The following SLC38A12 variants were observed in gnomAD, a reference collection of about 807,000 sequenced individuals.
The protein encoded by SLC38A12 is putative sodium-coupled neutral amino acid transporter 12.
the SLC38A12 span, chr17:74,790,138 A>C: frequency 7.3e-7 from 1 of 1,362,634 alleles, no homozygotes; most frequent in South Asian, 1.2e-5. Flanking sequence ...TACTTTTTTG[A>C]TGTGCTCCTT....
chr17:74,815,166 C>T, the SLC38A12 span, among the ~76,000 whole-genome samples: 4 of 152,148 alleles, frequency 2.6e-5, no homozygotes, highest in Admixed American at 6.5e-5. Flanking sequence ...ATGAGGGCAT[C>T]GTCACCTGCA....
chr17:74,793,660 G>A, the SLC38A12 span, among the ~76,000 whole-genome samples: 1 of 152,196 alleles, frequency 6.6e-6, no homozygotes, highest in East Asian at 1.9e-4. Flanking sequence ...GCTGGGAGTG[G>A]GGCGGGGGAC....
At chr17:74,837,103 C>T in the SLC38A12 span, 33 of 995,316 alleles carry the variant, frequency 3.3e-5, no homozygotes, top group Middle Eastern at 5.0e-4. Flanking sequence ...CCCCATCCTG[C>T]GTCCTTGTCT....
the SLC38A12 span, chr17:74,837,998 T>A: frequency 1.0e-6 from 1 of 985,726 alleles, no homozygotes; most frequent in Non-Finnish European, 1.2e-6. Context: ...GCTCAGCCCC[T>A]CCCCTGTATC....
the SLC38A12 span, chr17:74,838,650 AGCT>A: frequency 7.2e-7 from 1 of 1,389,278 alleles, no homozygotes; most frequent in African/African-American, 1.5e-5. Flanking sequence ...GCCGTTGTCT[AGCT>A]GCTTTGCTCC....
chr17:74,788,559 T>G, the SLC38A12 span, among the ~76,000 whole-genome samples: 5 of 152,308 alleles, frequency 3.3e-5, no homozygotes, highest in Admixed American at 1.3e-4. Context: ...CTCCCATCAC[T>G]TAGTTCACAC....
At chr17:74,830,086 G>T in the SLC38A12 span, among the ~76,000 whole-genome samples, 1 of 151,846 alleles carries the variant, frequency 6.6e-6, no homozygotes. Context: ...TGAGCTGGGG[G>T]TGCTGGTAGG....
chr17:74,784,995 G>A, the SLC38A12 span, among the ~76,000 whole-genome samples: 1 of 152,092 alleles, frequency 6.6e-6, no homozygotes, highest in Non-Finnish European at 1.5e-5. Flanking sequence ...ATGGGGAGAG[G>A]GGTGGAGAAA....
At chr17:74,835,911 C>T in the SLC38A12 span, 1 of 1,587,418 alleles carries the variant, frequency 6.3e-7, no homozygotes, top group Non-Finnish European at 8.6e-7. Context: ...GGTGACTCCT[C>T]TCTCTCGTTT....
At chr17:74,831,221 C>T in the SLC38A12 span, among the ~76,000 whole-genome samples, 3 of 152,200 alleles carry the variant, frequency 2.0e-5, no homozygotes, top group East Asian at 3.8e-4. Flanking sequence ...ATAACCAGCC[C>T]GTTCTTTGGT....
the SLC38A12 span, among the ~76,000 whole-genome samples, chr17:74,800,162 C>T: frequency 6.6e-6 from 1 of 152,236 alleles, no homozygotes; most frequent in Non-Finnish European, 1.5e-5. Flanking sequence ...AGACTCAGTT[C>T]CATAGGCCCT....
At chr17:74,824,736 TC>T in the SLC38A12 span, among the ~76,000 whole-genome samples, 2 of 152,272 alleles carry the variant, frequency 1.3e-5, no homozygotes, top group African/African-American at 2.4e-5. Flanking sequence ...GCATCTGTGT[TC>T]CCCTCAAAGT....
chr17:74,795,153 G>GGCTT, the SLC38A12 span: 1 of 1,537,742 alleles, frequency 6.5e-7, no homozygotes. Context: ...TAGCCAAAGG[G>GGCTT]GCTTCCTCAG....
At chr17:74,787,937 G>T in the SLC38A12 span, among the ~76,000 whole-genome samples, 1 of 151,980 alleles carries the variant, frequency 6.6e-6, no homozygotes, top group South Asian at 2.1e-4. Flanking sequence ...GGGATTACAG[G>T]CATGTGCCAC....
the SLC38A12 span, among the ~76,000 whole-genome samples, chr17:74,789,890 T>C: frequency 0.59 from 80,412 of 135,802 alleles, 24,267 homozygotes; most frequent in Non-Finnish European, 0.64. Context: ...GCCATTGTCC[T>C]AGGGCTTTTC....
chr17:74,804,736 C>T, the SLC38A12 span, among the ~76,000 whole-genome samples: 1 of 152,220 alleles, frequency 6.6e-6, no homozygotes, highest in Admixed American at 6.5e-5. Flanking sequence ...ATTTTCTGAA[C>T]ACCTTGATGG....
chr17:74,788,707 C>G, the SLC38A12 span: 639 of 1,233,226 alleles, frequency 5.2e-4, no homozygotes, highest in Non-Finnish European at 6.6e-4. Flanking sequence ...TGGGTCTGGT[C>G]GGTTCTTACA....
chr17:74,800,329 G>A, the SLC38A12 span, among the ~76,000 whole-genome samples: 1 of 152,208 alleles, frequency 6.6e-6, no homozygotes, highest in African/African-American at 2.4e-5. Context: ...CATTGTCACC[G>A]ACTTGATTGA....
chr17:74,783,568 C>T, the SLC38A12 span, among the ~76,000 whole-genome samples: 23 of 152,174 alleles, frequency 1.5e-4, no homozygotes, highest in South Asian at 4.8e-3. Flanking sequence ...GCACTTTCCT[C>T]TCCACAGGGT....
Sources: gnomAD v4.1 joint callset for allele counts (sites outside exome capture counted in the v4.1 genomes callset) on GRCh38, gnomAD v4.1.1 for gene constraint, MANE v1.5 for transcripts, NCBI Gene and HGNC (gene_info 2026-07-23, HGNC 2026-07-21) for gene names.